Variants in RAI14 observed in about 807,000 individuals in gnomAD.
RAI14 encodes the protein retinoic acid induced 14, also known as ankycorbin.
A neutral mutation model predicts 115.4 loss-of-function variants in RAI14; 45 were observed. The observed-to-expected ratio is 0.39, with a 90% CI of 0.31 to 0.50. The LOEUF (loss-of-function observed/expected upper bound fraction) is 0.50. Among genes scored for constraint, RAI14 ranks in the 20% least tolerant of loss-of-function variants. RAI14 has a pLI of 0.85. For missense variants in RAI14, 939 were observed against 1,131.2 expected (o/e 0.83, Z 2.44); for synonymous variants, 371 against 415.4 (o/e 0.89, Z 1.30).
chr5:34,809,613 T>C (rs1387212458), intron 7 of RAI14, among the ~76,000 whole-genome samples: 1 of 152,032 alleles, frequency 6.6e-6, no homozygotes. Context: ...CTGCACTTTT[T>C]TTTTTTTTTC....
At position 34,768,082 on chromosome 5, in the gene RAI14, C is replaced by T. The variant is rs138422258; in HGVS notation, c.167+10484C>T. On this transcript the variant is annotated intron_variant, in intron 3 of 17. Transcript: ENST00000265109. Reference sequence around the variant, plus strand: ...AAGCTGTAGACACTCAACACTAGCCCGTGAGAGCAGCTGGGTGGGAGGCTG... The same window carrying T: ...AAGCTGTAGACACTCAACACTAGCCTGTGAGAGCAGCTGGGTGGGAGGCTG... Among the ~76,000 whole-genome samples the T allele has an allele frequency of 1.9e-3, 282 of 152,186 alleles. 1 individual carries two copies. Among genetic ancestry groups the T allele is most frequent in the African/African-American group, 6.1e-3 (253 of 41,544 alleles).
chr5:34,794,209 G>T (rs1202646420), intron 3 of RAI14, among the ~76,000 whole-genome samples: 1 of 152,174 alleles, frequency 6.6e-6, no homozygotes, highest in Non-Finnish European at 1.5e-5. Context: ...GATCACATGA[G>T]GTCAGGAGTT....
At chr5:34,657,735 A>G (rs1373463414) in intron 1 of RAI14, among the ~76,000 whole-genome samples, 1 of 152,230 alleles carries the variant, frequency 6.6e-6, no homozygotes, top group Non-Finnish European at 1.5e-5. Flanking sequence ...GCAGAGAGGA[A>G]CTGTCCATCA....
At chr5:34,700,481 C>T (rs1447037521) in intron 2 of RAI14, among the ~76,000 whole-genome samples, 1 of 152,222 alleles carries the variant, frequency 6.6e-6, no homozygotes, top group African/African-American at 2.4e-5. Flanking sequence ...TGTCCTTGCT[C>T]TCCCTGCAGT....
chr5:34,786,472 C>T (rs1309586632), intron 3 of RAI14, among the ~76,000 whole-genome samples: 2 of 152,172 alleles, frequency 1.3e-5, no homozygotes, highest in Non-Finnish European at 2.9e-5. Flanking sequence ...GCCACTTTAG[C>T]TTTAGCTGGC....
At chr5:34,781,981 T>C (rs189592352) in intron 3 of RAI14, among the ~76,000 whole-genome samples, 2 of 152,192 alleles carry the variant, frequency 1.3e-5, no homozygotes, top group African/African-American at 2.4e-5. Context: ...ATGGGAAATA[T>C]AGGGATGGGC....
intron 3 of RAI14, among the ~76,000 whole-genome samples, chr5:34,766,084 G>A (rs181577175): frequency 1.3e-5 from 2 of 152,334 alleles, no homozygotes; most frequent in East Asian, 3.9e-4. Flanking sequence ...AAGATGTATG[G>A]AAACACCTGG....
intron 1 of RAI14, among the ~76,000 whole-genome samples, chr5:34,670,184 G>C (rs778609695): frequency 4.6e-5 from 7 of 152,164 alleles, no homozygotes; most frequent in Non-Finnish European, 1.0e-4. Flanking sequence ...GTCTTTGAAG[G>C]CAACTGAATT....
chr5:34,720,441 C>G (rs931229760), intron 2 of RAI14, among the ~76,000 whole-genome samples: 1 of 130,658 alleles, frequency 7.7e-6, no homozygotes, highest in East Asian at 2.3e-4. Context: ...GATGGAGTCT[C>G]GCTCTGTCGC....
At chr5:34,804,911 A>T (rs1461972145) in intron 5 of RAI14, among the ~76,000 whole-genome samples, 1 of 152,144 alleles carries the variant, frequency 6.6e-6, no homozygotes, top group African/African-American at 2.4e-5. Context: ...CTCCATTCCC[A>T]TTCTGGCTTG....
intron 3 of RAI14, among the ~76,000 whole-genome samples, chr5:34,762,309 C>T (rs1194480774): frequency 6.6e-6 from 1 of 152,118 alleles, no homozygotes; most frequent in Non-Finnish European, 1.5e-5. Flanking sequence ...CAACCTTTAC[C>T]ACCTAGAGAG....
At chr5:34,753,236 T>C (rs1747364772) in intron 2 of RAI14, among the ~76,000 whole-genome samples, 1 of 152,148 alleles carries the variant, frequency 6.6e-6, no homozygotes, top group South Asian at 2.1e-4. Flanking sequence ...AAAGCCTTCT[T>C]TGATTCTAGA....
chr5:34,787,479 A>G (rs1411480228), intron 3 of RAI14, among the ~76,000 whole-genome samples: 2 of 152,266 alleles, frequency 1.3e-5, no homozygotes, highest in Admixed American at 6.5e-5. Context: ...GAGAGAAGCC[A>G]GACACAAAGG....
intron 2 of RAI14, among the ~76,000 whole-genome samples, chr5:34,756,962 G>C (rs1227863848): frequency 6.6e-6 from 1 of 152,182 alleles, no homozygotes; most frequent in Non-Finnish European, 1.5e-5. Context: ...TCAGTATCCA[G>C]CTCAAAATTC....
intron 3 of RAI14, among the ~76,000 whole-genome samples, chr5:34,793,530 G>A (rs1753172775): frequency 1.3e-5 from 2 of 152,136 alleles, no homozygotes; most frequent in Non-Finnish European, 1.5e-5. Flanking sequence ...TCTGTTTCCT[G>A]ATTAGTATGA....
chr5:34,772,974 C>T lies in RAI14; in HGVS notation c.167+15376C>T, dbSNP rs562798380. ...AAATCTTCAGGCTGCTTATTTGTGCCATTTTGCTACATTGCTGCTGAAGGG... is the reference window on the plus strand; with the variant it reads ...AAATCTTCAGGCTGCTTATTTGTGCTATTTTGCTACATTGCTGCTGAAGGG... On this transcript the variant is annotated intron_variant, in intron 3 of 17. Transcript: ENST00000265109. Among the ~76,000 whole-genome samples, 228 of 152,250 alleles carry T rather than the reference C, an allele frequency of 1.5e-3. 1 individual carries two copies. The highest frequency in any genetic ancestry group is 5.2e-3 in the African/African-American group (214 of 41,546).
At chr5:34,809,986 A>C (rs1469190307) in intron 7 of RAI14, among the ~76,000 whole-genome samples, 1 of 152,116 alleles carries the variant, frequency 6.6e-6, no homozygotes, top group African/African-American at 2.4e-5. Context: ...TATTTGATGG[A>C]GATGCTGTGA....
chr5:34,690,995 T>G (rs1351736113), intron 2 of RAI14, among the ~76,000 whole-genome samples: 7 of 152,162 alleles, frequency 4.6e-5, no homozygotes, highest in Admixed American at 2.6e-4. Flanking sequence ...TAAGATGATA[T>G]AGCTAACTAG....
intron 2 of RAI14, among the ~76,000 whole-genome samples, chr5:34,696,231 C>T (rs111740434): frequency 0.015 from 2,239 of 152,192 alleles, 41 homozygotes; most frequent in African/African-American, 0.042. Flanking sequence ...CTCCGCCTCC[C>T]GGGTTTCTGC....
Sources: gnomAD v4.1 joint callset for allele counts (sites outside exome capture counted in the v4.1 genomes callset) on GRCh38, gnomAD v4.1.1 for gene constraint, MANE v1.5 for transcripts, NCBI Gene and HGNC (gene_info 2026-07-23, HGNC 2026-07-21) for gene names.